The following MIS12 variants were observed in gnomAD, a reference collection of about 807,000 sequenced individuals.
The protein encoded by MIS12 is protein MIS12 homolog.
In MIS12, 13 loss-of-function variants were observed where a neutral mutation model predicts 16.5. The observed-to-expected ratio is 0.79, with a 90% CI of 0.51 to 1.25. The LOEUF (loss-of-function observed/expected upper bound fraction) is 1.25. Among genes scored for constraint, MIS12 ranks in the 50% most tolerant of loss-of-function variants. The probability of loss-of-function intolerance (pLI) is 0.00; values close to 1 mark genes in which losing one functional copy is unlikely to be tolerated. For missense variants in MIS12, 199 were observed against 239.5 expected (o/e 0.83, Z 1.12); for synonymous variants, 97 against 87.3 (o/e 1.11, Z -0.62).
At position 5,490,458 on chromosome 17, in the gene MIS12, C is replaced by T. The variant is rs1371134517; in HGVS notation, c.*978C>T. The T allele has an allele frequency of 6.6e-6, 1 of 150,734 alleles. No homozygotes were observed. The highest frequency in any genetic ancestry group is 1.5e-5 in the Non-Finnish European group (1 of 64,726). 9.3% of individuals were successfully genotyped at this position (150,734 alleles called of 1,614,324 possible). A position where few individuals can be genotyped will look rare whatever the true frequency, so the allele number is the denominator to read the frequency against. On this transcript the variant is annotated 3_prime_UTR_variant, in exon 3 of 3. Transcript: ENST00000611091. The stretch of plus-strand genomic sequence containing the variant: ...GTTGGTTTTGGAATCTGCCTTATAC[C>T]TAATATTTATTTATTCACACTCATA...
rs1385873607 is a variant in MIS12 at position 5,489,318 on chromosome 17, C to T, written c.456C>T (p.Leu152=). The change falls in exon 3 of 3, where the codon CTC becomes CTT. Residue 152 remains leucine, a synonymous_variant. Transcript: ENST00000611091. The part of the protein sequence containing the change: ...LEEQKIVQAK[L]KQTLTFFDEL... ...AGCAAAAAATTGTTCAGGCCAAACT[C>T]AAACAGACGTTGACTTTCTTTGATG... 6.2e-7 allele frequency: 1 copy of T among 1,614,036 alleles called. No individual in the cohort carries two copies. Among genetic ancestry groups the T allele is most frequent in the Non-Finnish European group, 8.5e-7 (1 of 1,180,030 alleles).
At chr17:5,488,770 C>A in intron 2 of MIS12, 53 bp from the exon 3 acceptor site, 1 of 1,399,404 alleles carries the variant, frequency 7.1e-7, no homozygotes, top group Non-Finnish European at 9.6e-7. Flanking sequence ...TTGGTTACTT[C>A]CTGCAGAAGA....
chr17:5,488,774 CAGA>C, intron 2 of MIS12, 46 bp from the exon 3 acceptor site: 2 of 1,428,186 alleles, frequency 1.4e-6, no homozygotes, highest in South Asian at 1.4e-5. Flanking sequence ...TTACTTCCTG[CAGA>C]AGATTTTTTT....
chr17:5,486,444 A>C, upstream of MIS12: 12 of 283,008 alleles, frequency 4.2e-5, no homozygotes, highest in Admixed American at 5.1e-5. Context: ...CCTTCTGCCA[A>C]TCCCCGCCGG....
chr17:5,487,159 G>C (rs1282422437), intron 1 of MIS12: 2 of 152,254 alleles, frequency 1.3e-5, no homozygotes, highest in Non-Finnish European at 2.9e-5. Context: ...AGCTACTTGG[G>C]AGGCTGAGCT....
chr17:5,486,663 C>A lies in MIS12; in HGVS notation c.-456C>A, dbSNP rs763802682. ...CGGGAAGCCTGTGTGTGCTTCAAAT[C>A]GTCACCCTCATGGTCGCTCCGGTAA... On this transcript the variant is annotated 5_prime_UTR_variant, in exon 1 of 3. Coordinates refer to ENST00000611091, the MANE Select transcript of MIS12 (RefSeq NM_001258217.2). The A allele has an allele frequency of 2.0e-5, 3 of 153,434 alleles. No individual in the cohort carries two copies. Among genetic ancestry groups the A allele is most frequent in the Admixed American group, 1.3e-4 (2 of 15,324 alleles). 9.5% of individuals were successfully genotyped at this position (153,434 alleles called of 1,614,324 possible).
upstream of MIS12, chr17:5,486,483 T>G: frequency 1.3e-5 from 3 of 235,310 alleles, no homozygotes; most frequent in Non-Finnish European, 2.5e-5. Flanking sequence ...CCCGGCCCCT[T>G]TCTGTCATAA....
In MIS12 at chr17:5,488,243, G is replaced by A. The variant is rs1906518304; in HGVS notation, c.-387G>A. On this transcript the variant is annotated 5_prime_UTR_variant, in exon 2 of 3. Transcript: ENST00000611091. ...AAATTGAGGACATTGGCAACGGAGT[G>A]ATCAAAATGATAGATCATGAGGCCT... 1 of 152,202 alleles carries A rather than the reference G, an allele frequency of 6.6e-6. No individual in the cohort carries two copies. Among genetic ancestry groups the A allele is most frequent in the African/African-American group, 2.4e-5 (1 of 41,424 alleles). The allele number at this position is 152,202 out of a possible 1,614,324, so 9.4% of individuals were successfully genotyped here. A position where few individuals can be genotyped will look rare whatever the true frequency, so the allele number is the denominator to read the frequency against.
In MIS12 at chr17:5,490,681, G is replaced by C. The variant is rs1906722496; in HGVS notation, c.*1201G>C. 1 of 167,100 alleles carries C rather than the reference G, an allele frequency of 6.0e-6. No individual in the cohort carries two copies. Among genetic ancestry groups the C allele is most frequent in the Non-Finnish European group, 1.5e-5 (1 of 68,122 alleles). The allele number at this position is 167,100 out of a possible 1,614,324, so 10.4% of individuals were successfully genotyped here. Reference sequence around the variant, plus strand: ...GAACTTGGAGTTTCTCCTTTATGTAGAGAAGAAGTAACTTAGGGTGTATTT... The same window carrying C: ...GAACTTGGAGTTTCTCCTTTATGTACAGAAGAAGTAACTTAGGGTGTATTT... On this transcript the variant is annotated 3_prime_UTR_variant, in exon 3 of 3. Coordinates refer to ENST00000611091, the MANE Select transcript of MIS12 (RefSeq NM_001258217.2).
intron 1 of MIS12, 125 bp downstream of exon 1, chr17:5,486,809 TCC>T: frequency 6.6e-6 from 1 of 152,638 alleles, no homozygotes; most frequent in Non-Finnish European, 1.5e-5. Flanking sequence ...GACCTGAAGA[TCC>T]CAGCATGCAG....
chr17:5,490,593 G>C lies in MIS12; in HGVS notation c.*1113G>C, dbSNP rs1011045091. 6.0e-6 allele frequency: 1 copy of C among 167,078 alleles called. No individual in the cohort carries two copies. Among genetic ancestry groups the C allele is most frequent in the Non-Finnish European group, 1.5e-5 (1 of 68,114 alleles). 10.3% of individuals were successfully genotyped at this position (167,078 alleles called of 1,614,324 possible). A position where few individuals can be genotyped will look rare whatever the true frequency, so the allele number is the denominator to read the frequency against. ...TAAAATGTTAGGTCACCCAAGGAAA[G>C]GGGAGAAATAGCAATGGTTGTTCCT... On this transcript the variant is annotated 3_prime_UTR_variant, in exon 3 of 3. Coordinates refer to ENST00000611091, the MANE Select transcript of MIS12 (RefSeq NM_001258217.2).
Position 5,489,670 on chromosome 17 carries a change from T to C in MIS12, c.*190T>C, listed in dbSNP as rs1906641051. On this transcript the variant is annotated 3_prime_UTR_variant, in exon 3 of 3. Coordinates refer to ENST00000611091, the MANE Select transcript of MIS12 (RefSeq NM_001258217.2). ...TGGTCCACTTTGCTGAGGTATGAAG[T>C]GTACTACTTTGAACTAGGCTGAAGC... The C allele has an allele frequency of 1.7e-6, 1 of 599,974 alleles. No individual in the cohort carries two copies. The highest frequency in any genetic ancestry group is 2.8e-6 in the Non-Finnish European group (1 of 358,290). The allele number at this position is 599,974 out of a possible 1,614,324, so 37.2% of individuals were successfully genotyped here.
At chr17:5,488,039 A>G (rs774887403) in intron 1 of MIS12, among the ~76,000 whole-genome samples, 157 bp from the exon 2 acceptor site, 25 of 152,342 alleles carry the variant, frequency 1.6e-4, no homozygotes, top group Non-Finnish European at 1.3e-4. Context: ...TCAGAAAAAG[A>G]TGCCTAGGTT....
intron 1 of MIS12, chr17:5,486,887 G>C (rs1805463): frequency 0.05 from 7,684 of 152,518 alleles, 315 homozygotes; most frequent in African/African-American, 0.11. Flanking sequence ...CTGGCTTCTG[G>C]GTCCTGTCCT....
rs1193659912 is a variant in MIS12 at position 5,490,161 on chromosome 17, G to C, written c.*681G>C. On this transcript the variant is annotated 3_prime_UTR_variant, in exon 3 of 3. Coordinates refer to ENST00000611091, the MANE Select transcript of MIS12 (RefSeq NM_001258217.2). ...TCTCGTCCTGTGAATTTTCTTTCAT[G>C]AGGGAGTCAATATGTAGTGGAAAGA... The C allele has an allele frequency of 6.0e-6, 1 of 167,068 alleles. No individual in the cohort carries two copies. Among genetic ancestry groups the C allele is most frequent in the Non-Finnish European group, 1.5e-5 (1 of 68,128 alleles). The allele number at this position is 167,068 out of a possible 1,614,324, so 10.3% of individuals were successfully genotyped here.
chr17:5,487,869 T>G (rs78855539), intron 1 of MIS12, among the ~76,000 whole-genome samples: 4,747 of 152,288 alleles, frequency 0.031, 117 homozygotes, highest in East Asian at 0.1. Flanking sequence ...CATCTTATCT[T>G]CCCATAAGAT....
chr17:5,488,755 T>C (rs1906553309), intron 2 of MIS12, 68 bp from the exon 3 acceptor site: 2 of 1,220,552 alleles, frequency 1.6e-6, no homozygotes, highest in Non-Finnish European at 2.3e-6. Context: ...CTATCTGTAA[T>C]GTGATTGGTT....
In MIS12 at chr17:5,489,251, C is replaced by T; in HGVS notation, c.389C>T (p.Thr130Ile). The T allele has an allele frequency of 6.2e-7, 1 of 1,614,122 alleles. No homozygotes were observed. Among genetic ancestry groups the T allele is most frequent in the South Asian group, 1.1e-5 (1 of 91,082 alleles). ...EIEQLQEKYK[T>I]ELCTKQALLA... ...GAACAGTTACAGGAGAAGTACAAGA[C>T]TGAATTATGTACTAAGCAGGCCCTT... The change falls in exon 3 of 3, where the codon ACT (threonine) becomes ATT (isoleucine). Residue 130 changes from threonine to isoleucine, a missense_variant. Transcript: ENST00000611091.
At position 5,488,975 on chromosome 17, in the gene MIS12, C is replaced by A. The variant is rs1324343396; in HGVS notation, c.113C>A (p.Ala38Asp). 1 of 1,614,190 alleles carries A rather than the reference C, an allele frequency of 6.2e-7. No individual in the cohort carries two copies. ...GACTACCTATTTGAAGTGATGCAGG[C>A]CGTTGAACAGGTTATTCTGAAGAAG... Reference protein sequence around the residue: ...FQDYLFEVMQAVEQVILKKLD... With the variant: ...FQDYLFEVMQDVEQVILKKLD... The change falls in exon 3 of 3, where the codon GCC becomes GAC. Residue 38 changes from alanine (A) to aspartate (D), a missense_variant. Transcript: ENST00000611091.
Sources: gnomAD v4.1 joint callset for allele counts (sites outside exome capture counted in the v4.1 genomes callset) on GRCh38, gnomAD v4.1.1 for gene constraint, MANE v1.5 for transcripts, NCBI Gene and HGNC (gene_info 2026-07-23, HGNC 2026-07-21) for gene names.